Variants in CDH23 observed in about 807,000 individuals in gnomAD.
CDH23 encodes cadherin related 23, also known as cadherin-23.
Under a neutral mutation model 317.1 loss-of-function variants are expected in CDH23, and 189 were observed. The ratio of observed to expected loss-of-function variants is 0.60; its 90% confidence interval spans 0.53 to 0.67. CDH23 has a LOEUF of 0.67. Among genes scored for constraint, CDH23 ranks in the 30% least tolerant of loss-of-function variants. The probability of loss-of-function intolerance (pLI) is 0.00; values close to 1 mark genes in which losing one functional copy is unlikely to be tolerated. For missense variants in CDH23, 4,401 were observed against 4,592.4 expected, an observed-to-expected ratio of 0.96 and a Z score of 1.20; for synonymous variants, 1,839 against 1,876.8, an observed-to-expected ratio of 0.98 and a Z score of 0.52.
chr10:71,690,678 C>T, intron 20 of CDH23, 94 bp downstream of exon 20: 1 of 824,178 alleles, frequency 1.2e-6, no homozygotes, highest in South Asian at 1.5e-5. Flanking sequence ...CCCAGGTCCC[C>T]TTCCTTTCAG....
intron 6 of CDH23, among the ~76,000 whole-genome samples, chr10:71,516,637 T>C (rs756979381): frequency 2.4e-4 from 36 of 152,300 alleles, no homozygotes; most frequent in Non-Finnish European, 5.0e-4. Flanking sequence ...GCATGGGATC[T>C]CAGGGAGCCC....
At position 71,751,893 on chromosome 10, in the gene CDH23, T is replaced by A. The variant is rs1160497614; in HGVS notation, c.4845+9972T>A. On this transcript the variant is annotated intron_variant, in intron 38 of 69. Coordinates refer to ENST00000224721, the MANE Select transcript of CDH23 (RefSeq NM_022124.6). The surrounding 1 kb of genome is among the most constrained non-coding windows in gnomAD (Gnocchi z 4.9). ...CAGAACCAGAATGGAAGGTCATCTG[T>A]GCTGTCCGGAGCGTGAACTCTGCCC... 1.3e-6 allele frequency: 2 copies of A among 1,543,784 alleles called. No individual in the cohort carries two copies. The highest frequency in any genetic ancestry group is 4.6e-5 in the East Asian group (2 of 43,762).
Position 71,796,171 on chromosome 10 carries a change from T to A in CDH23, c.6713-933T>A, listed in dbSNP as rs137945129. On this transcript the variant is annotated intron_variant, in intron 48 of 69. Coordinates refer to ENST00000224721, the MANE Select transcript of CDH23 (RefSeq NM_022124.6). Reference sequence around the variant, plus strand: ...GGGAAGGGAATCTCAGATACCCCTGTACCTGAGAGGGAGAGGAGGTCTCAC... The same window carrying A: ...GGGAAGGGAATCTCAGATACCCCTGAACCTGAGAGGGAGAGGAGGTCTCAC... The A allele has an allele frequency of 2.0e-4, 163 of 824,172 alleles. 3 individuals are homozygous for A. Among genetic ancestry groups the A allele is most frequent in the African/African-American group, 1.9e-3 (101 of 54,084 alleles). 51.1% of individuals were successfully genotyped at this position (824,172 alleles called of 1,614,324 possible). A position where few individuals can be genotyped will look rare whatever the true frequency, so the allele number is the denominator to read the frequency against.
intron 35 of CDH23, 132 bp from the exon 36 acceptor site, chr10:71,739,512 A>G: frequency 9.2e-7 from 1 of 1,086,134 alleles, no homozygotes; most frequent in Non-Finnish European, 1.3e-6. Flanking sequence ...TGCTTAAAAC[A>G]CTGCACTCCC....
chr10:71,681,733 C>T (rs1341385963), intron 17 of CDH23, among the ~76,000 whole-genome samples: 3 of 152,106 alleles, frequency 2.0e-5, no homozygotes, highest in Non-Finnish European at 4.4e-5. Flanking sequence ...AGCAGAAGTT[C>T]GAGACCAGCC....
chr10:71,431,532 A>G (rs1849371844), intron 1 of CDH23, among the ~76,000 whole-genome samples: 3 of 152,212 alleles, frequency 2.0e-5, no homozygotes, highest in African/African-American at 7.2e-5. Flanking sequence ...TCTTGCACGC[A>G]CGAACCTCTC....
chr10:71,599,757 T>C (rs1736243385), intron 9 of CDH23, among the ~76,000 whole-genome samples: 1 of 152,208 alleles, frequency 6.6e-6, no homozygotes, highest in South Asian at 2.1e-4. Context: ...AGACTTCTGG[T>C]CCACCCATCT....
At chr10:71,404,325 C>T (rs1012050646) in intron 1 of CDH23, among the ~76,000 whole-genome samples, 5 of 152,192 alleles carry the variant, frequency 3.3e-5, no homozygotes, top group Non-Finnish European at 7.3e-5. Flanking sequence ...TGATTTATGT[C>T]GCCCCTGTGA....
At chr10:71,690,708 G>T in intron 20 of CDH23, 124 bp downstream of exon 20, 1 of 656,736 alleles carries the variant, frequency 1.5e-6, no homozygotes. Context: ...GACCAGCTTT[G>T]AGCACCAGTG....
chr10:71,756,886 G>A (rs566793762), intron 38 of CDH23, among the ~76,000 whole-genome samples: 3 of 152,318 alleles, frequency 2.0e-5, no homozygotes, highest in Middle Eastern at 3.4e-3. Flanking sequence ...ATCCGACAGC[G>A]TAAACAAGCT....
intron 1 of CDH23, among the ~76,000 whole-genome samples, chr10:71,398,766 G>C: frequency 6.6e-6 from 1 of 152,130 alleles, no homozygotes; most frequent in Non-Finnish European, 1.5e-5. Context: ...GCTGGGGAGG[G>C]CAGGAAGGCA....
At chr10:71,779,023 C>T (rs1317062045) in intron 40 of CDH23, among the ~76,000 whole-genome samples, 2 of 152,184 alleles carry the variant, frequency 1.3e-5, no homozygotes, top group African/African-American at 4.8e-5. Context: ...CAAGTGTGAA[C>T]CACTGTGTCT....
chr10:71,677,278 C>T lies in CDH23; in HGVS notation c.1515-178C>T, dbSNP rs58252220. Among the ~76,000 whole-genome samples the T allele has an allele frequency of 0.054, 8,217 of 152,066 alleles. 513 individuals are homozygous for T. Among genetic ancestry groups the T allele is most frequent in the East Asian group, 0.15 (783 of 5,162 alleles). On this transcript the variant is annotated intron_variant, in intron 15 of 69. Transcript: ENST00000224721. ...TGTGATCCTGATCCCCGCCACCCAC[C>T]CACCCCCTTTAGAAATAGCAGCTCT...
chr10:71,699,781 C>T (rs1169621878), intron 22 of CDH23, among the ~76,000 whole-genome samples: 3 of 152,168 alleles, frequency 2.0e-5, no homozygotes, highest in Admixed American at 6.5e-5. Flanking sequence ...TCTACAAAAT[C>T]GCCCAGCAGG....
chr10:71,611,888 C>T (rs987746034), intron 9 of CDH23, among the ~76,000 whole-genome samples: 28 of 152,170 alleles, frequency 1.8e-4, no homozygotes, highest in African/African-American at 6.5e-4. Flanking sequence ...TCTCCAACAC[C>T]TTGCGCATAG....
chr10:71,637,442 A>T (rs1862330360), intron 11 of CDH23, among the ~76,000 whole-genome samples: 1 of 152,150 alleles, frequency 6.6e-6, no homozygotes, highest in Non-Finnish European at 1.5e-5. Flanking sequence ...TGCTTGACCA[A>T]GATTTGGCAG....
At chr10:71,755,420 G>T (rs1196839951) in intron 38 of CDH23, 1 of 1,613,512 alleles carries the variant, frequency 6.2e-7, no homozygotes, top group Non-Finnish European at 8.5e-7. Flanking sequence ...GGAGGCAGAG[G>T]ATTCCTACGA....
intron 3 of CDH23, among the ~76,000 whole-genome samples, chr10:71,468,414 G>A (rs910926737): frequency 6.6e-6 from 1 of 152,086 alleles, no homozygotes; most frequent in Non-Finnish European, 1.5e-5. Flanking sequence ...TCAATCCCAG[G>A]CTCCTTGGCT....
intron 2 of CDH23, among the ~76,000 whole-genome samples, chr10:71,442,014 CAA>C (rs1170205430): frequency 1.3e-5 from 2 of 152,178 alleles, no homozygotes; most frequent in Non-Finnish European, 2.9e-5. Context: ...CTCAGGTTGT[CAA>C]AGTGATCAAA....
Sources: gnomAD v4.1 joint callset for allele counts (sites outside exome capture counted in the v4.1 genomes callset) on GRCh38, gnomAD v4.1.1 for gene constraint, Gnocchi (gnomAD v3.1) non-coding constraint, MANE v1.5 for transcripts, NCBI Gene and HGNC (gene_info 2026-07-23, HGNC 2026-07-21) for gene names.